The following NETO1 variants were observed in gnomAD, a reference collection of about 807,000 sequenced individuals.
NETO1 encodes the protein neuropilin and tolloid like 1.
Under a neutral mutation model 61.3 loss-of-function variants are expected in NETO1, and 26 were observed. The observed-to-expected ratio is 0.42, with a 90% confidence interval of 0.31 to 0.59. The LOEUF is 0.59. Ranked by LOEUF, NETO1 falls within the 20% of genes least tolerant of loss-of-function variation. The pLI, the probability that NETO1 is intolerant of heterozygous loss-of-function variation, is 0.12. For synonymous variants in NETO1, 225 were observed against 225.8 expected (o/e 1.00, Z 0.03); for missense variants, 531 against 662.8 (o/e 0.80, Z 2.18).
rs977452965 is a variant in NETO1 at position 72,745,079 on chromosome 18, A to G, written c.*3100T>C. 1 of 152,238 alleles carries G rather than the reference A, an allele frequency of 6.6e-6. No individual in the cohort carries two copies. The highest frequency in any genetic ancestry group is 2.4e-5 in the African/African-American group (1 of 41,464). 9.4% of individuals were successfully genotyped at this position (152,238 alleles called of 1,614,324 possible). A position where few individuals can be genotyped will look rare whatever the true frequency, so the allele number is the denominator to read the frequency against. On this transcript the variant is annotated 3_prime_UTR_variant, in exon 11 of 11. Coordinates refer to ENST00000327305, the MANE Select transcript of NETO1 (RefSeq NM_138966.5). ...AGAGCAAAAGTAAATGTGAAACAGA[A>G]AAACCAGCAACACCACAATGTGATT... is the stretch of plus-strand genomic sequence containing the variant.
At chr18:72,766,543 AAT>A (rs1397590760) in intron 7 of NETO1, among the ~76,000 whole-genome samples, 4 of 152,124 alleles carry the variant, frequency 2.6e-5, no homozygotes, top group East Asian at 3.9e-4. Flanking sequence ...TTGAAAAATC[AAT>A]ATGTTTTCAA....
chr18:72,827,395 C>T (rs75244103), intron 4 of NETO1, among the ~76,000 whole-genome samples: 3,442 of 152,196 alleles, frequency 0.023, 129 homozygotes, highest in African/African-American at 0.078. Flanking sequence ...TATGGCCATA[C>T]GTGGAGCCCC....
chr18:72,797,836 G>A (rs2072369662), intron 4 of NETO1, among the ~76,000 whole-genome samples: 1 of 152,048 alleles, frequency 6.6e-6, no homozygotes, highest in South Asian at 2.1e-4. Flanking sequence ...CCTATCCTCT[G>A]TACCAGGAAC....
rs190221539 is a variant in NETO1 at position 72,802,066 on chromosome 18, A to C, written c.470-7662T>G. Among the ~76,000 whole-genome samples the C allele has an allele frequency of 1.6e-3, 236 of 152,252 alleles. 1 individual carries two copies. Among genetic ancestry groups the C allele is most frequent in the Non-Finnish European group, 2.8e-3 (189 of 68,008 alleles). On this transcript the variant is annotated intron_variant, in intron 4 of 10. Transcript: ENST00000327305. ...ATGTATCTTTTCCTCCACTTTATAG[A>C]TGTTAATAATTTCATAGGACTTAGA...
chr18:72,854,394 T>C (rs2074352596), intron 4 of NETO1, among the ~76,000 whole-genome samples: 1 of 152,158 alleles, frequency 6.6e-6, no homozygotes, highest in Non-Finnish European at 1.5e-5. Context: ...AGGAAAACTA[T>C]CATTGAAAAG....
intron 4 of NETO1, among the ~76,000 whole-genome samples, chr18:72,828,226 G>A (rs975988914): frequency 5.3e-5 from 8 of 152,010 alleles, no homozygotes; most frequent in Non-Finnish European, 2.9e-5. Flanking sequence ...GGGGATAATC[G>A]CTTGAACCCA....
chr18:72,797,330 A>C (rs993300326), intron 4 of NETO1, among the ~76,000 whole-genome samples: 1 of 152,236 alleles, frequency 6.6e-6, no homozygotes, highest in Non-Finnish European at 1.5e-5. Context: ...TTGTCTTTGT[A>C]TTAATAGTGA....
intron 6 of NETO1, among the ~76,000 whole-genome samples, chr18:72,788,671 T>C (rs929412405): frequency 2.6e-5 from 4 of 152,030 alleles, no homozygotes; most frequent in Non-Finnish European, 5.9e-5. Flanking sequence ...TCATAAAGAG[T>C]TGGAGCTGAC....
chr18:72,788,722 TATAA>T (rs899777828), intron 6 of NETO1, among the ~76,000 whole-genome samples: 5 of 152,102 alleles, frequency 3.3e-5, no homozygotes, highest in African/African-American at 1.2e-4. Context: ...CTTCAAAACA[TATAA>T]ATAATTTCTA....
At chr18:72,840,739 G>A (rs1300117887) in intron 4 of NETO1, among the ~76,000 whole-genome samples, 3 of 152,138 alleles carry the variant, frequency 2.0e-5, no homozygotes, top group Admixed American at 2.0e-4. Context: ...TTTAAAGTAA[G>A]GTGAAGTAGG....
intron 6 of NETO1, among the ~76,000 whole-genome samples, chr18:72,787,960 A>G (rs1165484709): frequency 6.6e-6 from 1 of 152,240 alleles, no homozygotes; most frequent in African/African-American, 2.4e-5. Context: ...CTATCAAGTT[A>G]TAAATAAAAT....
At chr18:72,797,706 T>C (rs2072365428) in intron 4 of NETO1, among the ~76,000 whole-genome samples, 1 of 152,188 alleles carries the variant, frequency 6.6e-6, no homozygotes, top group Non-Finnish European at 1.5e-5. Context: ...AGACCATCAA[T>C]CTTTATAATG....
intron 8 of NETO1, among the ~76,000 whole-genome samples, chr18:72,753,231 A>C (rs908654459): frequency 1.3e-5 from 2 of 151,414 alleles, no homozygotes; most frequent in African/African-American, 4.8e-5. Flanking sequence ...AAAACATTAA[A>C]ATAAATAAAT....
At chr18:72,776,221 G>T (rs2071541743) in intron 7 of NETO1, among the ~76,000 whole-genome samples, 1 of 152,080 alleles carries the variant, frequency 6.6e-6, no homozygotes, top group African/African-American at 2.4e-5. Flanking sequence ...GGGACGTCCT[G>T]GCTCTATCAT....
At chr18:72,765,110 C>T (rs1386844623) in intron 7 of NETO1, among the ~76,000 whole-genome samples, 1 of 152,198 alleles carries the variant, frequency 6.6e-6, no homozygotes, top group African/African-American at 2.4e-5. Flanking sequence ...AATTTCCAAA[C>T]TCCTTGTACC....
chr18:72,779,002 A>G (rs2071649372), intron 7 of NETO1, among the ~76,000 whole-genome samples: 1 of 152,304 alleles, frequency 6.6e-6, no homozygotes, highest in African/African-American at 2.4e-5. Context: ...CCAACCTCTT[A>G]GTTTTGAAGG....
chr18:72,831,337 TAC>T (rs1469050627), intron 4 of NETO1, among the ~76,000 whole-genome samples: 2 of 152,202 alleles, frequency 1.3e-5, no homozygotes, highest in African/African-American at 4.8e-5. Context: ...TTCATAGAAT[TAC>T]AGTCTGGTGT....
At chr18:72,798,195 C>T (rs545733516) in intron 4 of NETO1, among the ~76,000 whole-genome samples, 8 of 152,310 alleles carry the variant, frequency 5.3e-5, no homozygotes, top group Admixed American at 5.2e-4. Context: ...CTTCCCATGG[C>T]TCACATCACC....
chr18:72,836,161 T>A (rs1182837496), intron 4 of NETO1, among the ~76,000 whole-genome samples: 2 of 152,182 alleles, frequency 1.3e-5, no homozygotes, highest in African/African-American at 4.8e-5. Flanking sequence ...AGCCCAGACG[T>A]GCCCTGCTGC....
Sources: gnomAD v4.1 joint callset for allele counts (sites outside exome capture counted in the v4.1 genomes callset) on GRCh38, gnomAD v4.1.1 for gene constraint, MANE v1.5 for transcripts, NCBI Gene and HGNC (gene_info 2026-07-23, HGNC 2026-07-21) for gene names.